The following SOX5 variants were observed in gnomAD, a reference collection of about 807,000 sequenced individuals.
SOX5 encodes transcription factor SOX-5.
Under a neutral mutation model 92.0 loss-of-function variants are expected in SOX5, and 9 were observed. That is an observed-to-expected ratio of 0.10 (90% CI 0.06 to 0.17). SOX5 has a LOEUF of 0.17. Among genes scored for constraint, SOX5 ranks in the 10% least tolerant of loss-of-function variants. The pLI, the probability that SOX5 is intolerant of heterozygous loss-of-function variation, is 1.00. For synonymous variants in SOX5, 344 were observed against 336.3 expected (o/e 1.02, Z -0.25); for missense variants, 642 against 944.5 (o/e 0.68, Z 4.20).
intron 6 of SOX5, among the ~76,000 whole-genome samples, chr12:23,734,146 T>C (rs1000322289): frequency 6.6e-6 from 1 of 152,196 alleles, no homozygotes; most frequent in Non-Finnish European, 1.5e-5. Flanking sequence ...CTCCTTATTA[T>C]TGCAAATTTC....
chr12:24,330,811 A>G (rs1951218447), intron 2 of SOX5, among the ~76,000 whole-genome samples: 1 of 152,238 alleles, frequency 6.6e-6, no homozygotes, highest in Non-Finnish European at 1.5e-5. Context: ...CGCCTCTGAA[A>G]TTCCACTGAG....
Position 23,911,023 on chromosome 12 carries a change from T to G in SOX5, c.39-14999A>C, listed in dbSNP as rs144875607. ...GTAATTGAGTAGTTACTTCCTATTA[T>G]TTTTTCTTATGAAACAGATATTTTA... On this transcript the variant is annotated intron_variant, in intron 1 of 14. Coordinates refer to ENST00000451604, the MANE Select transcript of SOX5 (RefSeq NM_006940.6). 3.3e-3 allele frequency among the ~76,000 whole-genome samples: 502 copies of G among 152,186 alleles called. 1 individual carries two copies. Among genetic ancestry groups the G allele is most frequent in the African/African-American group, 0.012 (496 of 41,556 alleles).
intron 4 of SOX5, among the ~76,000 whole-genome samples, chr12:24,141,380 G>A (rs997063277): frequency 1.3e-5 from 2 of 152,104 alleles, no homozygotes; most frequent in East Asian, 1.9e-4. Context: ...GGAAGACAGT[G>A]GATATATTGA....
At chr12:24,012,805 ACAGGGGTAAAT>A (rs945960204) in intron 4 of SOX5, among the ~76,000 whole-genome samples, 4 of 152,184 alleles carry the variant, frequency 2.6e-5, no homozygotes, top group Non-Finnish European at 5.9e-5. Flanking sequence ...TCTTGGGTGA[ACAGGGGTAAAT>A]CAGTGTTGAA....
At chr12:23,902,921 C>T (rs771647942) in intron 1 of SOX5, among the ~76,000 whole-genome samples, 7 of 151,940 alleles carry the variant, frequency 4.6e-5, no homozygotes, top group East Asian at 1.9e-4. Flanking sequence ...AATAAATTAA[C>T]GAATTGAATG....
chr12:23,768,270 T>G (rs189666323), intron 3 of SOX5, among the ~76,000 whole-genome samples: 1,858 of 152,166 alleles, frequency 0.012, 20 homozygotes, highest in Non-Finnish European at 0.021. Flanking sequence ...TTTACAAACT[T>G]GGAAATGGTC....
chr12:23,877,848 C>T (rs923510727), intron 2 of SOX5, among the ~76,000 whole-genome samples: 12 of 151,920 alleles, frequency 7.9e-5, no homozygotes, highest in Non-Finnish European at 1.5e-4. Flanking sequence ...TAACATTACC[C>T]TTTATCACTT....
chr12:24,384,064 C>T (rs947650231), intron 1 of SOX5, among the ~76,000 whole-genome samples: 5 of 152,176 alleles, frequency 3.3e-5, no homozygotes, highest in African/African-American at 1.2e-4. Flanking sequence ...TGTGCCTCTT[C>T]CTCTACCGCC....
At chr12:24,319,958 G>A (rs1299054438) in intron 2 of SOX5, among the ~76,000 whole-genome samples, 1 of 152,092 alleles carries the variant, frequency 6.6e-6, no homozygotes, top group Non-Finnish European at 1.5e-5. Flanking sequence ...AACTCAGTAG[G>A]TTACACATGC....
intron 4 of SOX5, among the ~76,000 whole-genome samples, chr12:23,972,190 T>A (rs1948419140): frequency 1.3e-5 from 2 of 152,132 alleles, no homozygotes; most frequent in Non-Finnish European, 2.9e-5. Flanking sequence ...ATAAAACTAG[T>A]GATATCAGCG....
intron 4 of SOX5, among the ~76,000 whole-genome samples, chr12:24,141,586 G>A (rs536057529): frequency 3.3e-5 from 5 of 152,326 alleles, no homozygotes; most frequent in South Asian, 2.1e-4. Flanking sequence ...GCCAAATGAC[G>A]TTCTGCTCAG....
chr12:23,807,642 A>T (rs1431189884), intron 3 of SOX5, among the ~76,000 whole-genome samples: 13 of 142,136 alleles, frequency 9.1e-5, no homozygotes, highest in East Asian at 2.1e-4. Context: ...CAGAAATTCC[A>T]TTTTTTTTTT....
intron 2 of SOX5, among the ~76,000 whole-genome samples, chr12:24,278,698 G>C (rs1014983701): frequency 7.2e-5 from 11 of 152,070 alleles, no homozygotes; most frequent in Non-Finnish European, 1.5e-4. Context: ...GCACCAAAAT[G>C]AGACCCCATC....
intron 2 of SOX5, among the ~76,000 whole-genome samples, chr12:24,315,994 T>C (rs1485162139): frequency 6.6e-6 from 1 of 152,204 alleles, no homozygotes; most frequent in Non-Finnish European, 1.5e-5. Flanking sequence ...TTCACATCAC[T>C]TGGGGCCACT....
At chr12:23,772,212 C>T (rs1008059094) in intron 3 of SOX5, among the ~76,000 whole-genome samples, 20 of 152,178 alleles carry the variant, frequency 1.3e-4, no homozygotes, top group Non-Finnish European at 1.5e-5. Context: ...GCTGTGAAGA[C>T]GTTGGCAATT....
At chr12:24,154,254 G>A (rs955344746) in intron 4 of SOX5, among the ~76,000 whole-genome samples, 5 of 152,130 alleles carry the variant, frequency 3.3e-5, no homozygotes, top group African/African-American at 1.2e-4. Context: ...GTTATTGAGT[G>A]CTATTCAGAT....
chr12:24,555,822 T>G (rs952272112), intron 1 of SOX5, among the ~76,000 whole-genome samples: 1 of 152,200 alleles, frequency 6.6e-6, no homozygotes, highest in Admixed American at 6.5e-5. Context: ...ACTACTAAAC[T>G]GGGCTATACT....
chr12:23,667,787 T>C (rs2084062396), intron 6 of SOX5, among the ~76,000 whole-genome samples: 1 of 152,272 alleles, frequency 6.6e-6, no homozygotes, highest in East Asian at 1.9e-4. Flanking sequence ...TAGACCATCA[T>C]AGAACAGACT....
intron 3 of SOX5, among the ~76,000 whole-genome samples, chr12:23,836,173 T>C (rs550886424): frequency 6.6e-6 from 1 of 152,048 alleles, no homozygotes; most frequent in African/African-American, 2.4e-5. Flanking sequence ...CATAACGTCA[T>C]ATTAAATTTC....
Sources: allele counts gnomAD v4.1 joint callset (sites outside exome capture counted in the v4.1 genomes callset), GRCh38; gene constraint gnomAD v4.1.1; transcripts MANE v1.5; gene names NCBI Gene and HGNC (gene_info 2026-07-23, HGNC 2026-07-21).